The following RNASE9 variants were observed in gnomAD, a reference collection of about 807,000 sequenced individuals.
RNASE9 encodes inactive ribonuclease-like protein 9.
For missense variants in RNASE9, 263 were observed against 247.1 expected (o/e 1.06, Z -0.43); for synonymous variants, 95 against 87.6 (o/e 1.08, Z -0.47).
At chr14:20,558,757 T>G in intron 2 of RNASE9, 1 of 641,384 alleles carries the variant, frequency 1.6e-6, no homozygotes, top group East Asian at 2.8e-5. Context: ...CAGAATACTC[T>G]TTTGTTTTTT....
chr14:20,557,078 C>A, exon 3 of RNASE9: 1 of 1,598,590 alleles, frequency 6.3e-7, no homozygotes, highest in South Asian at 1.1e-5. Flanking sequence ...ATTTTTCCTG[C>A]AGACACTAAA....
rs73575075 is a variant in RNASE9, at chr14:20,558,595, T to C, written c.-1526A>G. On this transcript the variant is annotated 5_prime_UTR_variant, in exon 3 of 3. Transcript: ENST00000555230. Reference sequence around the variant, plus strand: ...AAAAGAGTGATCCCATGGTGACAGGTCAGAGAGCTCGGAACATACTCTCAC... The same window carrying C: ...AAAAGAGTGATCCCATGGTGACAGGCCAGAGAGCTCGGAACATACTCTCAC... The C allele has an allele frequency of 2.9e-4, 448 of 1,550,980 alleles. 2 individuals carry two copies. In the African/African-American group the frequency reaches 4.0e-3, roughly 14 times the overall value.
At chr14:20,559,746 A>C (rs1054276999) in intron 1 of RNASE9, 113 bp from the exon 2 acceptor site, 5 of 152,244 alleles carry the variant, frequency 3.3e-5, no homozygotes, top group African/African-American at 1.2e-4. Flanking sequence ...TGTGAAAAAG[A>C]AAACATCCTA....
In RNASE9 at chr14:20,556,754, G is replaced by C. The variant is rs965709950; in HGVS notation, c.316C>G (p.Leu106Val). ...TTTTGGAGCTCGTCATATTGCATAA[G>C]AAGGAAGTAATGTTCTGCCACCCAA... The change falls in exon 3 of 3, where the codon CTT becomes GTT. Residue 106 changes from leucine to valine, a missense_variant. Leu to Val is a conservative substitution (Grantham distance 32). Transcript: ENST00000555230. The C allele has an allele frequency of 4.3e-6, 7 of 1,613,796 alleles. No individual in the cohort carries two copies. In the African/African-American group the frequency reaches 6.7e-5, roughly 15 times the overall value.
chr14:20,560,800 G>A (rs1054705853), intron 1 of RNASE9, 74 bp downstream of exon 1: 2 of 152,132 alleles, frequency 1.3e-5, no homozygotes, highest in African/African-American at 4.8e-5. Context: ...TTAGAGATAT[G>A]AAATATTTTG....
exon 3 of RNASE9, chr14:20,558,394 A>T: frequency 2.9e-6 from 2 of 696,238 alleles, no homozygotes; most frequent in Non-Finnish European, 5.3e-6. Context: ...AAGTAGAGAC[A>T]GGAAAGTTGA....
At chr14:20,558,535 C>G (rs1388125570) in exon 3 of RNASE9, 1 of 1,539,836 alleles carries the variant, frequency 6.5e-7, no homozygotes, top group African/African-American at 1.4e-5. Context: ...TCCCTGCTTT[C>G]ACACTGTCAT....
rs765982174 is a variant in RNASE9 at position 20,556,797 on chromosome 14, A to AT, written c.272dup (p.Asn91LysfsTer20). On this transcript the variant is annotated frameshift_variant, in exon 3 of 3. Coordinates refer to ENST00000555230, the Ensembl canonical transcript of RNASE9. LOFTEE classifies it low-confidence loss of function (END_TRUNC). ...CCACCCAACGGTGTTTGTAGTAAACATTTTTTCCCATGATTTCATGGTTAC... is the reference window on the plus strand; with the variant it reads ...CCACCCAACGGTGTTTGTAGTAAACATTTTTTTCCCATGATTTCATGGTTAC... The AT allele has an allele frequency of 1.5e-5, 25 of 1,613,680 alleles. No individual in the cohort carries two copies. The highest frequency in any genetic ancestry group is 2.1e-5 in the Non-Finnish European group (25 of 1,179,742).
At chr14:20,558,518 C>T (rs1162581552) in exon 3 of RNASE9, 1 of 1,516,782 alleles carries the variant, frequency 6.6e-7, no homozygotes, top group Non-Finnish European at 9.0e-7. Flanking sequence ...CCCTGCTTTT[C>T]CTCCCATCCC....
exon 3 of RNASE9, chr14:20,556,483 C>T: frequency 1.2e-6 from 2 of 1,612,656 alleles, no homozygotes; most frequent in African/African-American, 1.3e-5. Context: ...ACCATCCTCA[C>T]TGAGGAAACT....
chr14:20,557,646 G>T (rs1883761516), exon 3 of RNASE9: 1 of 153,030 alleles, frequency 6.5e-6, no homozygotes, highest in African/African-American at 2.4e-5. Flanking sequence ...GGTCAAGGAA[G>T]GTTCAAGTTT....
At chr14:20,558,481 G>C (rs537517838) in exon 3 of RNASE9, 3 of 1,190,998 alleles carry the variant, frequency 2.5e-6, no homozygotes, top group African/African-American at 1.5e-5. Flanking sequence ...ACTCTGGGGC[G>C]GCCATGTGCC....
intron 2 of RNASE9, among the ~76,000 whole-genome samples, chr14:20,559,163 G>A (rs764747141): frequency 2.8e-4 from 42 of 151,120 alleles, no homozygotes; most frequent in Non-Finnish European, 5.6e-4. Context: ...GTGTTGCCTC[G>A]GCTGACTCAG....
chr14:20,558,500 C>T (rs1883805361), exon 3 of RNASE9: 1 of 1,410,772 alleles, frequency 7.1e-7, no homozygotes, highest in African/African-American at 1.4e-5. Context: ...CCACACTGTC[C>T]CTCCCCTCCC....
Position 20,556,466 on chromosome 14 carries a change from CAA to C in RNASE9, c.602_603del (p.Phe201CysfsTer13). 6.2e-7 allele frequency: 1 copy of C among 1,610,490 alleles called. No individual in the cohort carries two copies. ...AGAACGCTCTGCTAGGGCGATATGA[CAA>C]AGACACCATCCTCACTGAGGAAACT... On this transcript the variant is annotated frameshift_variant, in exon 3 of 3. Coordinates refer to ENST00000555230, the Ensembl canonical transcript of RNASE9. LOFTEE classifies it high-confidence loss of function.
At chr14:20,556,664 G>A (rs1202705771) in exon 3 of RNASE9, 2 of 1,613,214 alleles carry the variant, frequency 1.2e-6, no homozygotes, top group African/African-American at 2.7e-5. Context: ...CCTTCTACAA[G>A]ACCTTTGCTC....
At chr14:20,558,134 GAACCAATTATTTAATTGCAGAAGCA>G (rs534731134) in exon 3 of RNASE9, 4,993 of 296,678 alleles carry the variant, frequency 0.017, 238 homozygotes, top group African/African-American at 0.1. Flanking sequence ...GCTCCATGAA[GAACCAATTATTTAATTGCAGAAGCA>G]ACCTCCTGAG....
chr14:20,560,384 ATT>A (rs1199106812), intron 1 of RNASE9: 1 of 152,062 alleles, frequency 6.6e-6, no homozygotes, highest in Admixed American at 6.6e-5. Context: ...GCAGAAAGAA[ATT>A]GTTATAATTT....
rs1449779806 is a variant in RNASE9, at chr14:20,556,837, T to C, written c.233A>G (p.Asn78Ser). 2.5e-6 allele frequency: 4 copies of C among 1,614,228 alleles called. No individual in the cohort carries two copies. In the South Asian group the frequency reaches 3.3e-5, roughly 13 times the overall value. ...TTCATGGTTACAGTACTCTATATGATTTAGTGGCATTCCAGGTTCAATAAG... is the reference window on the plus strand; with the variant it reads ...TTCATGGTTACAGTACTCTATATGACTTAGTGGCATTCCAGGTTCAATAAG... Residue 78 changes from asparagine to serine, a missense_variant, in exon 3 of 3, where the codon AAT becomes AGT. Physicochemically the swap from Asn to Ser is conservative, Grantham distance 46. Transcript: ENST00000555230.
Sources: gnomAD v4.1 joint callset for allele counts (sites outside exome capture counted in the v4.1 genomes callset) on GRCh38, gnomAD v4.1.1 for gene constraint, MANE v1.5 for transcripts, NCBI Gene and HGNC (gene_info 2026-07-23, HGNC 2026-07-21) for gene names.